The following USP54 variants were observed in gnomAD, a reference collection of about 807,000 sequenced individuals.
USP54 encodes the protein ubiquitin specific peptidase 54, also known as ubiquitin carboxyl-terminal hydrolase 54.
Under a neutral mutation model 170.5 loss-of-function variants are expected in USP54, and 87 were observed. That is an observed-to-expected ratio of 0.51 (90% confidence interval 0.43 to 0.61). USP54 has a LOEUF of 0.61. USP54 is among the 20% of genes least tolerant of loss of function. USP54 has a pLI of 0.00. For missense variants in USP54, 1,786 were observed against 2,047.8 expected (o/e 0.87, Z 2.47); for synonymous variants, 655 against 742.8 (o/e 0.88, Z 1.92).
chr10:73,622,524 A>G (rs2081175459), intron 1 of USP54, among the ~76,000 whole-genome samples: 1 of 151,930 alleles, frequency 6.6e-6, no homozygotes, highest in African/African-American at 2.4e-5. Flanking sequence ...GGGTTTCACC[A>G]TGTTGGCCAG....
intron 1 of USP54, among the ~76,000 whole-genome samples, chr10:73,582,027 A>C (rs2076958302): frequency 6.6e-6 from 1 of 152,212 alleles, no homozygotes; most frequent in Non-Finnish European, 1.5e-5. Context: ...AGGCCAAAGT[A>C]ATAAACCAGG....
At chr10:73,601,501 G>A (rs2079161567) in intron 1 of USP54, among the ~76,000 whole-genome samples, 1 of 143,186 alleles carries the variant, frequency 7.0e-6, no homozygotes, top group African/African-American at 2.8e-5. Flanking sequence ...CCCCAAAAAT[G>A]CCTTTTTTTT....
chr10:73,507,596 C>A (rs961057835), intron 20 of USP54, among the ~76,000 whole-genome samples: 1 of 150,316 alleles, frequency 6.7e-6, no homozygotes, highest in Non-Finnish European at 1.5e-5. Context: ...ATCGCTTGAA[C>A]CCGGGAGGCA....
rs2061195407 is a variant in USP54, at chr10:73,517,131, C to T, written c.3295G>A (p.Gly1099Ser). The change falls in exon 20 of 24, where the codon GGC (glycine) becomes AGC (serine). Residue 1099 changes from glycine (G) to serine (S), a missense_variant. Gly to Ser is a moderately conservative substitution (Grantham distance 56, BLOSUM62 0). Coordinates refer to ENST00000687698, the MANE Select transcript of USP54 (RefSeq NM_001391956.1). Reference protein sequence around the residue: ...PVQKTNQCLQGQSLKTSLTLK... With the variant: ...PVQKTNQCLQSQSLKTSLTLK... ...GTCAATGAAGTTTTGAGGCTTTGGC[C>T]TTGGAGGCATTGGTTAGTTTTCTGC... The T allele has an allele frequency of 6.8e-6, 11 of 1,614,182 alleles. No homozygotes were observed. Among genetic ancestry groups the T allele is most frequent in the Non-Finnish European group, 9.3e-6 (11 of 1,180,038 alleles).
At chr10:73,572,425 TA>T (rs2075365863) in intron 3 of USP54, among the ~76,000 whole-genome samples, 1 of 152,174 alleles carries the variant, frequency 6.6e-6, no homozygotes, top group Non-Finnish European at 1.5e-5. Context: ...CATAATGCCT[TA>T]GGAAGCTCCC....
intron 1 of USP54, among the ~76,000 whole-genome samples, chr10:73,600,833 G>C (rs1330870939): frequency 1.3e-5 from 2 of 152,172 alleles, no homozygotes; most frequent in African/African-American, 4.8e-5. Context: ...AGAATCGCTT[G>C]AACCCGGGGG....
At chr10:73,537,726 C>G (rs1233112265) in intron 10 of USP54, 5 of 148,954 alleles carry the variant, frequency 3.4e-5, no homozygotes, top group Non-Finnish European at 7.4e-5. Flanking sequence ...TAGAGTGTTC[C>G]TACTCAAATC....
chr10:73,552,462 T>C (rs2069684786), intron 4 of USP54, among the ~76,000 whole-genome samples: 1 of 146,532 alleles, frequency 6.8e-6, no homozygotes, highest in South Asian at 2.2e-4. Flanking sequence ...GAGGATTAAA[T>C]GAGTACACAC....
intron 4 of USP54, among the ~76,000 whole-genome samples, chr10:73,569,291 T>C (rs901836549): frequency 6.6e-6 from 1 of 152,244 alleles, no homozygotes; most frequent in Non-Finnish European, 1.5e-5. Context: ...GGGACTACTG[T>C]ATTTCTTGTT....
intron 1 of USP54, among the ~76,000 whole-genome samples, chr10:73,607,683 T>A (rs2079785695): frequency 6.6e-6 from 1 of 151,666 alleles, no homozygotes; most frequent in Non-Finnish European, 1.5e-5. Flanking sequence ...ACGCAAAAAA[T>A]TTCCCAGGGA....
rs1426824859 is a variant in USP54, at chr10:73,523,653, C to T, written c.2292G>A (p.Glu764=). 1 of 1,613,886 alleles carries T rather than the reference C, an allele frequency of 6.2e-7. No individual in the cohort carries two copies. Among genetic ancestry groups the T allele is most frequent in the Non-Finnish European group, 8.5e-7 (1 of 1,179,852 alleles). Residue 764 remains glutamate (E), a synonymous_variant, in exon 17 of 24, where the codon GAG becomes GAA. Coordinates refer to ENST00000687698, the MANE Select transcript of USP54 (RefSeq NM_001391956.1). ...GGTTAAACCCTTTCGCTGCCTCTAA[C>T]TCCTTCTCCCGTTTTCTTCGAAGTT... ...EQELRRKREK[E]LEAAKGFNPH...
chr10:73,606,692 C>T (rs967464068), intron 1 of USP54, among the ~76,000 whole-genome samples: 5 of 150,884 alleles, frequency 3.3e-5, no homozygotes, highest in African/African-American at 1.2e-4. Flanking sequence ...TCCTGGCTAA[C>T]ACGGTGAAAC....
chr10:73,519,746 G>T lies in USP54; in HGVS notation c.2678+51C>A, dbSNP rs925777997. On this transcript the variant is annotated intron_variant, in intron 19 of 23. Coordinates refer to ENST00000687698, the MANE Select transcript of USP54 (RefSeq NM_001391956.1). ...AGAGCTCTTGCTACAGAATACTCATGGTCATTTCTTCCCCTGGCATTCATA... is the reference window on the plus strand; with the variant it reads ...AGAGCTCTTGCTACAGAATACTCATTGTCATTTCTTCCCCTGGCATTCATA... 6.2e-6 allele frequency: 10 copies of T among 1,609,592 alleles called. No individual in the cohort carries two copies. The African/African-American group carries it at 1.1e-4, about 17-fold the overall frequency.
chr10:73,509,456 A>C (rs533617290), intron 20 of USP54, among the ~76,000 whole-genome samples: 12 of 150,300 alleles, frequency 8.0e-5, no homozygotes, highest in South Asian at 4.2e-4. Flanking sequence ...AAAAAAAAAA[A>C]CAACAAAAAT....
rs542484304 is a variant in USP54, at chr10:73,536,112, G to A, written c.1144+157C>T. On this transcript the variant is annotated intron_variant, in intron 11 of 23. Transcript: ENST00000687698. ...CTGAAGGAAATAAAGGCTGGCCCAA[G>A]TTAGGCTTCAGCACAAATTGGCACT... 2.3e-4 allele frequency: 230 copies of A among 1,013,792 alleles called. 4 individuals carry two copies. In the South Asian group the frequency reaches 3.2e-3, roughly 14 times the overall value. 62.8% of individuals were successfully genotyped at this position (1,013,792 alleles called of 1,614,324 possible).
chr10:73,547,681 G>A (rs1293050383), intron 4 of USP54, among the ~76,000 whole-genome samples: 1 of 152,188 alleles, frequency 6.6e-6, no homozygotes, highest in African/African-American at 2.4e-5. Flanking sequence ...CTAGCCATAT[G>A]TAGAAAGCTG....
Position 73,498,534 on chromosome 10 carries a change from A to G in USP54, c.*95T>C, listed in dbSNP as rs1379592057. 26 of 1,296,098 alleles carry G rather than the reference A, an allele frequency of 2.0e-5. No homozygotes were observed. The East Asian group carries it at 5.8e-4, about 29-fold the overall frequency. The allele number at this position is 1,296,098 out of a possible 1,614,324, so 80.3% of individuals were successfully genotyped here. A position where few individuals can be genotyped will look rare whatever the true frequency, so the allele number is the denominator to read the frequency against. On this transcript the variant is annotated 3_prime_UTR_variant, in exon 24 of 24. Transcript: ENST00000687698. ...CGTGATCCACCCGCCTCAGCCTCCC[A>G]AAGTGCTGGGATTACAGGTGTGAGC...
chr10:73,505,442 C>G lies in USP54; in HGVS notation c.4052-16G>C. The G allele has an allele frequency of 6.2e-7, 1 of 1,610,488 alleles. No individual in the cohort carries two copies. The highest frequency in any genetic ancestry group is 8.5e-7 in the Non-Finnish European group (1 of 1,177,306). On this transcript the variant is annotated splice_polypyrimidine_tract_variant and intron_variant, in intron 20 of 23. Transcript: ENST00000687698. ...TCTGCAGAGCCTGAAGAGGAAAACACAAATACAAGTTGAGGCCATCTCTTC... is the reference window on the plus strand; with the variant it reads ...TCTGCAGAGCCTGAAGAGGAAAACAGAAATACAAGTTGAGGCCATCTCTTC...
chr10:73,617,647 T>C (rs1157074768), intron 1 of USP54, among the ~76,000 whole-genome samples: 1 of 149,834 alleles, frequency 6.7e-6, no homozygotes, highest in African/African-American at 2.5e-5. Flanking sequence ...CTGGGCAATA[T>C]AGTGAGACCT....
Sources: allele counts gnomAD v4.1 joint callset (sites outside exome capture counted in the v4.1 genomes callset), GRCh38; gene constraint gnomAD v4.1.1; transcripts MANE v1.5; gene names NCBI Gene and HGNC (gene_info 2026-07-23, HGNC 2026-07-21).